SAAL1: variants seen among roughly 807,000 people sequenced by gnomAD.
SAAL1 encodes serum amyloid A like 1, also known as protein SAAL1.
Under a neutral mutation model 59.8 loss-of-function variants are expected in SAAL1, and 42 were observed. That is an observed-to-expected ratio of 0.70 (90% confidence interval 0.55 to 0.91). The LOEUF is 0.91. SAAL1 is among the 40% of genes least tolerant of loss of function. The pLI is 0.00. For synonymous variants in SAAL1, 191 were observed against 194.3 expected, an observed-to-expected ratio of 0.98 and a Z score of 0.14; for missense variants, 542 against 561.1, an observed-to-expected ratio of 0.97 and a Z score of 0.34.
rs767470973 is a variant in SAAL1 at position 18,096,811 on chromosome 11, AAT to A, written c.291_292del (p.Phe98HisfsTer22). ...CTTGGACTTGGCCAGTACTCCCATG[AAT>A]ATATCAGGAGCATTAAATTCTTGGA... On this transcript the variant is annotated frameshift_variant, in exon 3 of 12. Transcript: ENST00000524803. LOFTEE classifies it high-confidence loss of function. 1.3e-6 allele frequency: 2 copies of A among 1,589,000 alleles called. No homozygotes were observed. Among genetic ancestry groups the A allele is most frequent in the South Asian group, 2.3e-5 (2 of 88,116 alleles).
intron 2 of SAAL1, among the ~76,000 whole-genome samples, chr11:18,097,517 G>T (rs1848590043): frequency 6.6e-6 from 1 of 152,150 alleles, no homozygotes; most frequent in Non-Finnish European, 1.5e-5. Flanking sequence ...TTACCTATCA[G>T]GTATTAAACT....
Position 18,105,920 on chromosome 11 carries a change from C to A in SAAL1, c.122G>T (p.Ser41Ile). The A allele has an allele frequency of 6.2e-7, 1 of 1,603,016 alleles. No individual in the cohort carries two copies. Among genetic ancestry groups the A allele is most frequent in the Non-Finnish European group, 8.5e-7 (1 of 1,175,412 alleles). ...YSKHWLFGVL[S>I]GLIQIVSPEN... ...GAGTTTCCACACCTGGATGAGTCCG[C>A]TGAGGACGCCGAAGAGCCAGTGTTT... The change falls in exon 1 of 12, where the codon AGC (serine) becomes ATC (isoleucine). Residue 41 changes from serine (S) to isoleucine (I), a missense_variant. Physicochemically the swap from Ser to Ile is moderately radical, Grantham distance 142. Coordinates refer to ENST00000524803, the MANE Select transcript of SAAL1 (RefSeq NM_138421.3).
At chr11:18,104,992 C>G (rs540465954) in intron 1 of SAAL1, among the ~76,000 whole-genome samples, 1 of 152,282 alleles carries the variant, frequency 6.6e-6, no homozygotes, top group Admixed American at 6.5e-5. Flanking sequence ...AACACATTTA[C>G]TGACAGCCTC....
chr11:18,092,275 C>T lies in SAAL1; in HGVS notation c.383G>A (p.Cys128Tyr), dbSNP rs1015734141. 5.0e-6 allele frequency: 8 copies of T among 1,605,116 alleles called. No individual in the cohort carries two copies. Among genetic ancestry groups the T allele is most frequent in the Non-Finnish European group, 6.8e-6 (8 of 1,171,916 alleles). The change falls in exon 4 of 12, where the codon TGT becomes TAT. Residue 128 changes from cysteine (C) to tyrosine (Y), a missense_variant. By Grantham distance (194) the Cys-to-Tyr change is radical. Coordinates refer to ENST00000524803, the MANE Select transcript of SAAL1 (RefSeq NM_138421.3). ...ATTTTTATCACTGCTGATGGACACA[C>T]ATATCTCCTGGAAACAGGCCATATT... ...LGNMACFQEI[C>Y]VSISSDKNLG...
chr11:18,096,984 C>T (rs1848584761), intron 2 of SAAL1, 130 bp from the exon 3 acceptor site: 2 of 625,614 alleles, frequency 3.2e-6, no homozygotes, highest in South Asian at 1.8e-5. Flanking sequence ...ACCTGTAATC[C>T]TAGCACATTG....
At chr11:18,089,279 T>C (rs1848497921) in intron 7 of SAAL1, 51 bp downstream of exon 7, 2 of 1,441,768 alleles carry the variant, frequency 1.4e-6, no homozygotes, top group Non-Finnish European at 1.9e-6. Flanking sequence ...CTGAGAATAC[T>C]TCTAGCAATT....
At chr11:18,092,547 A>G (rs901162469) in intron 3 of SAAL1, among the ~76,000 whole-genome samples, 6 of 152,218 alleles carry the variant, frequency 3.9e-5, no homozygotes, top group South Asian at 2.1e-4. Context: ...GGCAGGAGCT[A>G]TGCGAGAAGA....
intron 9 of SAAL1, among the ~76,000 whole-genome samples, chr11:18,086,665 C>T (rs1848466838): frequency 1.3e-5 from 2 of 152,046 alleles, no homozygotes. Flanking sequence ...TGTACCACTG[C>T]ACTCCAGCCT....
chr11:18,097,751 A>G (rs1432358984), intron 2 of SAAL1, among the ~76,000 whole-genome samples: 3 of 151,794 alleles, frequency 2.0e-5, no homozygotes, highest in Non-Finnish European at 4.4e-5. Context: ...AGGTGGGAGG[A>G]TCACTTGAGC....
chr11:18,087,997 T>A (rs539944939), intron 7 of SAAL1, among the ~76,000 whole-genome samples: 1 of 152,254 alleles, frequency 6.6e-6, no homozygotes, highest in South Asian at 2.1e-4. Context: ...GGAGACTTAG[T>A]TTGCAGGGTC....
At chr11:18,093,044 C>T (rs1848538248) in intron 3 of SAAL1, among the ~76,000 whole-genome samples, 2 of 152,160 alleles carry the variant, frequency 1.3e-5, no homozygotes, top group Non-Finnish European at 2.9e-5. Context: ...TGAAATCTTG[C>T]ACCGTCTCAC....
chr11:18,093,533 AAT>A (rs572533836), intron 3 of SAAL1, among the ~76,000 whole-genome samples: 93 of 152,332 alleles, frequency 6.1e-4, no homozygotes, highest in African/African-American at 2.2e-3. Context: ...CTATCTCAGT[AAT>A]AGTTAATTAA....
In SAAL1 at chr11:18,096,790, G is replaced by A. The variant is rs759736410; in HGVS notation, c.314C>T (p.Ser105Phe). 2.5e-6 allele frequency: 4 copies of A among 1,573,180 alleles called. No homozygotes were observed. Among genetic ancestry groups the A allele is most frequent in the Non-Finnish European group, 3.5e-6 (4 of 1,145,868 alleles). Residue 105 changes from serine to phenylalanine, a missense_variant, in exon 3 of 12, where the codon TCC becomes TTC. Coordinates refer to ENST00000524803, the MANE Select transcript of SAAL1 (RefSeq NM_138421.3). ...ACTTACTCTTAATCGAGGACACTTGGACTTGGCCAGTACTCCCATGAATAT... is the reference window on the plus strand; with the variant it reads ...ACTTACTCTTAATCGAGGACACTTGAACTTGGCCAGTACTCCCATGAATAT... ...PDIFMGVLAK[S>F]KCPRLREICV...
At chr11:18,085,476 C>T (rs537982267) in intron 9 of SAAL1, among the ~76,000 whole-genome samples, 94 of 152,084 alleles carry the variant, frequency 6.2e-4, no homozygotes, top group African/African-American at 2.2e-3. Context: ...ATCCAAGATC[C>T]ATATGAAGAA....
At position 18,081,529 on chromosome 11, in the gene SAAL1, C is replaced by T. The variant is rs988031075; in HGVS notation, c.1240-26G>A. On this transcript the variant is annotated intron_variant, in intron 10 of 11. Transcript: ENST00000524803. ...CTAAAACAACAACAAGATTTAATGT[C>T]AAAAAAGGAAAATTTTTCAAGCTTT... 4 of 1,587,918 alleles carry T rather than the reference C, an allele frequency of 2.5e-6. No individual in the cohort carries two copies. In the African/African-American group the frequency reaches 4.1e-5, roughly 16 times the overall value.
intron 3 of SAAL1, among the ~76,000 whole-genome samples, chr11:18,095,343 A>C (rs1418890684): frequency 6.6e-6 from 1 of 152,256 alleles, no homozygotes; most frequent in Non-Finnish European, 1.5e-5. Flanking sequence ...AAAATAGCAT[A>C]ATCATCAAAT....
intron 10 of SAAL1, among the ~76,000 whole-genome samples, chr11:18,081,996 A>T (rs1236467905): frequency 1.3e-5 from 2 of 152,308 alleles, no homozygotes; most frequent in Non-Finnish European, 2.9e-5. Context: ...AACTGATCGT[A>T]TCACTTGGTG....
chr11:18,096,513 G>C (rs1848578020), intron 3 of SAAL1, among the ~76,000 whole-genome samples: 1 of 152,018 alleles, frequency 6.6e-6, no homozygotes, highest in Non-Finnish European at 1.5e-5. Context: ...AGCCCAGGAG[G>C]TCAAGACTGC....
intron 4 of SAAL1, chr11:18,090,937 T>C (rs545552952): frequency 3.9e-5 from 6 of 153,310 alleles, no homozygotes; most frequent in Non-Finnish European, 8.7e-5. Context: ...ATGAAATAAA[T>C]TATACTTATT....
Sources: gnomAD v4.1 joint callset for allele counts (sites outside exome capture counted in the v4.1 genomes callset) on GRCh38, gnomAD v4.1.1 for gene constraint, MANE v1.5 for transcripts, NCBI Gene and HGNC (gene_info 2026-07-23, HGNC 2026-07-21) for gene names.